STXBP4: variants seen among roughly 807,000 people sequenced by gnomAD.
STXBP4 encodes syntaxin-binding protein 4.
A neutral mutation model predicts 76.1 loss-of-function variants in STXBP4; 55 were observed. That is an observed-to-expected ratio of 0.72 (90% CI 0.58 to 0.91). STXBP4 has a LOEUF of 0.91. Ranked by LOEUF, STXBP4 falls within the 40% of genes least tolerant of loss-of-function variation. STXBP4 has a pLI of 0.00. For missense variants in STXBP4, 618 were observed against 636.9 expected, an observed-to-expected ratio of 0.97 and a Z score of 0.32; for synonymous variants, 201 against 220.2, an observed-to-expected ratio of 0.91 and a Z score of 0.77.
At chr17:55,153,306 T>A (rs1224884950) in intron 17 of STXBP4, among the ~76,000 whole-genome samples, 1 of 152,222 alleles carries the variant, frequency 6.6e-6, no homozygotes, top group Non-Finnish European at 1.5e-5. Flanking sequence ...ATTTTCACCA[T>A]AATTGAAGGC....
rs578201790 is a variant in STXBP4 at position 55,062,465 on chromosome 17, C to T, written c.1012-10435C>T. ...ATAGTATTACCTGGTGTATATTTGC[C>T]GCATTTTCTTTATCCAGTCTATCAT... is the stretch of plus-strand genomic sequence containing the variant. On this transcript the variant is annotated intron_variant, in intron 12 of 17. Coordinates refer to ENST00000376352, the MANE Select transcript of STXBP4 (RefSeq NM_178509.6). Among the ~76,000 whole-genome samples the T allele has an allele frequency of 1.5e-3, 230 of 152,142 alleles. 7 individuals carry two copies. The South Asian group carries it at 0.045, about 30-fold the overall frequency.
intron 16 of STXBP4, among the ~76,000 whole-genome samples, chr17:55,113,894 G>A (rs148231429): frequency 5.5e-4 from 83 of 152,124 alleles, no homozygotes; most frequent in African/African-American, 1.9e-3. Context: ...GCTCAAGAAC[G>A]ATATTACCCG....
chr17:55,060,999 A>T (rs755881340), intron 12 of STXBP4, among the ~76,000 whole-genome samples: 1 of 152,220 alleles, frequency 6.6e-6, no homozygotes, highest in Non-Finnish European at 1.5e-5. Context: ...AGCATTTGGC[A>T]AATTCTCTGG....
intron 16 of STXBP4, among the ~76,000 whole-genome samples, chr17:55,093,107 G>A (rs1567758331): frequency 6.6e-6 from 1 of 151,990 alleles, no homozygotes; most frequent in African/African-American, 2.4e-5. Context: ...CGATTCTCGT[G>A]CCTCAGCTTC....
At chr17:55,059,462 G>GA (rs2078970052) in intron 12 of STXBP4, among the ~76,000 whole-genome samples, 2 of 151,874 alleles carry the variant, frequency 1.3e-5, no homozygotes, top group Admixed American at 1.3e-4. Flanking sequence ...CTTGTTTTGT[G>GA]AAAAAATAGT....
At chr17:55,075,154 C>A (rs1172719471) in intron 13 of STXBP4, among the ~76,000 whole-genome samples, 1 of 152,162 alleles carries the variant, frequency 6.6e-6, no homozygotes, top group East Asian at 1.9e-4. Flanking sequence ...CCCACCCTTT[C>A]CCTCAGAGAT....
chr17:55,008,506 G>A (rs920581188), intron 8 of STXBP4, among the ~76,000 whole-genome samples: 2 of 152,074 alleles, frequency 1.3e-5, no homozygotes, highest in Non-Finnish European at 2.9e-5. Flanking sequence ...ACAGATTAAC[G>A]AGAAAATAGC....
intron 4 of STXBP4, among the ~76,000 whole-genome samples, chr17:54,993,365 C>A (rs2077748898): frequency 6.6e-6 from 1 of 152,138 alleles, no homozygotes; most frequent in African/African-American, 2.4e-5. Context: ...CCTCTAATTC[C>A]AGCACTTTTG....
the STXBP4 span, among the ~76,000 whole-genome samples, chr17:55,197,510 A>G: frequency 3.3e-5 from 5 of 152,154 alleles, no homozygotes; most frequent in Non-Finnish European, 7.4e-5. Context: ...TTGGGAGGCC[A>G]AGGCGGGCAG....
At chr17:54,974,691 A>C (rs770615374) in intron 1 of STXBP4, among the ~76,000 whole-genome samples, 4 of 152,222 alleles carry the variant, frequency 2.6e-5, no homozygotes, top group Non-Finnish European at 4.4e-5. Flanking sequence ...GGCTTGGCCT[A>C]GAAAAGAATT....
chr17:55,208,609 A>AAGGAAGGAAG, the STXBP4 span, among the ~76,000 whole-genome samples: 1,061 of 27,738 alleles, frequency 0.038, 37 homozygotes, highest in African/African-American at 0.071. Context: ...AAGGAAGGAA[A>AAGGAAGGAAG]GAGAGAGGGA....
rs773510749 is a variant in STXBP4, at chr17:55,081,035, T to G, written c.1356-15T>G. 1.4e-6 allele frequency: 2 copies of G among 1,454,652 alleles called. No individual in the cohort carries two copies. The allele number at this position is 1,454,652 out of a possible 1,614,324, so 90.1% of individuals were successfully genotyped here. On this transcript the variant is annotated splice_polypyrimidine_tract_variant and intron_variant, in intron 15 of 17. Transcript: ENST00000376352. Reference sequence around the variant, plus strand: ...ATTGTGTAGTAAGTTCAACTTTATTTTATTGCCTTCATAGTGAAAGAAGAG... The same window carrying G: ...ATTGTGTAGTAAGTTCAACTTTATTGTATTGCCTTCATAGTGAAAGAAGAG...
At chr17:55,188,859 C>T in the STXBP4 span, among the ~76,000 whole-genome samples, 1 of 152,190 alleles carries the variant, frequency 6.6e-6, no homozygotes, top group African/African-American at 2.4e-5. Flanking sequence ...TAAGTAAGAG[C>T]TTGGGCAGAA....
chr17:55,132,922 G>T (rs183743132), intron 16 of STXBP4, among the ~76,000 whole-genome samples: 1 of 152,288 alleles, frequency 6.6e-6, no homozygotes, highest in African/African-American at 2.4e-5. Context: ...CCTGAAGCAG[G>T]AACATACTTG....
chr17:55,117,058 CTT>C (rs759494234), intron 16 of STXBP4, among the ~76,000 whole-genome samples: 20 of 151,626 alleles, frequency 1.3e-4, no homozygotes, highest in Non-Finnish European at 2.4e-4. Flanking sequence ...AAGATTTACT[CTT>C]AAGTTTTTTT....
At chr17:54,990,706 C>A in intron 3 of STXBP4, 119 bp from the exon 4 acceptor site, 1 of 1,249,268 alleles carries the variant, frequency 8.0e-7, no homozygotes. Context: ...TCCCTGGTAC[C>A]AAAAAAGGTG....
intron 8 of STXBP4, among the ~76,000 whole-genome samples, chr17:55,012,870 T>C (rs147326808): frequency 6.6e-6 from 1 of 152,066 alleles, no homozygotes; most frequent in African/African-American, 2.4e-5. Context: ...GTGGCATAGG[T>C]TTGAGAAATT....
chr17:55,125,479 C>CAAAAAAAAAAAAAAAAAA (rs10632680), intron 16 of STXBP4, among the ~76,000 whole-genome samples: 22 of 91,742 alleles, frequency 2.4e-4, no homozygotes, highest in Non-Finnish European at 3.4e-4. Flanking sequence ...GGACAAAATA[C>CAAAAAAAAAAAAAAAAAA]AAAAAAAAAA....
chr17:55,116,293 T>TG (rs2079779478), intron 16 of STXBP4, among the ~76,000 whole-genome samples: 1 of 151,850 alleles, frequency 6.6e-6, no homozygotes, highest in Non-Finnish European at 1.5e-5. Context: ...GTTATTTCTG[T>TG]ATACCATTAG....
Sources: gnomAD v4.1 joint callset for allele counts (sites outside exome capture counted in the v4.1 genomes callset) on GRCh38, gnomAD v4.1.1 for gene constraint, MANE v1.5 for transcripts, NCBI Gene and HGNC (gene_info 2026-07-23, HGNC 2026-07-21) for gene names.